PKHD1: variants seen among roughly 807,000 people sequenced by gnomAD.
PKHD1 encodes the protein PKHD1 ciliary IPT domain containing fibrocystin/polyductin.
Under a neutral mutation model 412.0 loss-of-function variants are expected in PKHD1, and 291 were observed. The observed-to-expected ratio is 0.71, with a 90% CI of 0.64 to 0.78. The LOEUF (loss-of-function observed/expected upper bound fraction) is 0.78. PKHD1 is among the 30% of genes least tolerant of loss of function. The pLI, the probability that PKHD1 is intolerant of heterozygous loss-of-function variation, is 0.00. For synonymous variants in PKHD1, 1,777 were observed against 1,821.5 expected, an observed-to-expected ratio of 0.98 and a Z score of 0.62; for missense variants, 4,825 against 4,950.7, an observed-to-expected ratio of 0.97 and a Z score of 0.76.
chr6:51,953,593 TAA>T (rs5876246), intron 36 of PKHD1, among the ~76,000 whole-genome samples: 9 of 143,386 alleles, frequency 6.3e-5, no homozygotes, highest in African/African-American at 5.1e-5. Flanking sequence ...TCCCTGGGAT[TAA>T]AAAAAAAAAA....
chr6:51,883,545 T>C (rs1777727420), intron 45 of PKHD1, among the ~76,000 whole-genome samples: 1 of 152,176 alleles, frequency 6.6e-6, no homozygotes, highest in Admixed American at 6.5e-5. Context: ...GAGAAAAACA[T>C]TGCATCCAAG....
chr6:52,032,611 T>C (rs1803229780), intron 29 of PKHD1, among the ~76,000 whole-genome samples: 1 of 152,214 alleles, frequency 6.6e-6, no homozygotes, highest in Non-Finnish European at 1.5e-5. Context: ...AGATGACCTG[T>C]GTTCAAATCT....
intron 53 of PKHD1, among the ~76,000 whole-genome samples, chr6:51,782,206 A>G (rs2151199808): frequency 6.6e-6 from 1 of 152,218 alleles, no homozygotes; most frequent in Admixed American, 6.6e-5. Context: ...AGTAAAGACT[A>G]ACTGATGTCC....
intron 35 of PKHD1, among the ~76,000 whole-genome samples, chr6:51,965,393 T>C (rs1792660882): frequency 6.6e-6 from 1 of 152,108 alleles, no homozygotes; most frequent in Admixed American, 6.6e-5. Flanking sequence ...TGAGATTATT[T>C]CAGCTGATTA....
intron 35 of PKHD1, among the ~76,000 whole-genome samples, chr6:52,003,571 C>T (rs1798698993): frequency 6.6e-6 from 1 of 152,152 alleles, no homozygotes; most frequent in African/African-American, 2.4e-5. Flanking sequence ...TGTCCTGTGG[C>T]CTCAAATGTC....
chr6:51,999,365 G>T (rs564930010), intron 35 of PKHD1, among the ~76,000 whole-genome samples: 2 of 148,292 alleles, frequency 1.3e-5, no homozygotes, highest in African/African-American at 5.2e-5. Context: ...TTTTGTTTTT[G>T]TTTTTTTTCT....
At position 51,638,893 on chromosome 6, in the gene PKHD1, G is replaced by A. The variant is rs2784228; in HGVS notation, c.11462C>T (p.Ser3821Phe). The A allele has an allele frequency of 2.5e-6, 4 of 1,612,946 alleles. No individual in the cohort carries two copies. The African/African-American group carries it at 5.4e-5, about 22-fold the overall frequency. The change falls in exon 64 of 67, where the codon TCT becomes TTT. Residue 3821 changes from serine to phenylalanine, a missense_variant. Physicochemically the swap from Ser to Phe is radical, Grantham distance 155. Transcript: ENST00000371117. ...VSFYNLAVLI[S>F]GSNWHFIFTV... ...AAAAATAAAGTGCCAGTTTGACCCA[G>A]AGATCAAGACTGCCAAGTTGTAGAA...
intron 35 of PKHD1, among the ~76,000 whole-genome samples, chr6:52,008,738 A>G (rs1483042204): frequency 6.6e-6 from 1 of 152,162 alleles, no homozygotes; most frequent in Admixed American, 6.5e-5. Context: ...CACCAACCCT[A>G]TGAAGTGGGA....
chr6:51,742,775 A>C (rs1224253736), intron 60 of PKHD1, among the ~76,000 whole-genome samples: 1 of 152,228 alleles, frequency 6.6e-6, no homozygotes, highest in African/African-American at 2.4e-5. Flanking sequence ...AATTACATTT[A>C]TAATATAATG....
chr6:51,739,917 G>A (rs1784356721), intron 60 of PKHD1: 9 of 510,104 alleles, frequency 1.8e-5, no homozygotes, highest in South Asian at 1.3e-4. Flanking sequence ...CCATCCATTT[G>A]TAGTCTGGGA....
chr6:51,721,027 G>C, intron 60 of PKHD1: 1 of 981,468 alleles, frequency 1.0e-6, no homozygotes, highest in South Asian at 4.7e-5. Flanking sequence ...CATGGGTAAG[G>C]GAAGTATTTG....
intron 27 of PKHD1, among the ~76,000 whole-genome samples, chr6:52,040,385 C>T (rs899523613): frequency 6.6e-6 from 1 of 152,174 alleles, no homozygotes; most frequent in African/African-American, 2.4e-5. Context: ...GGATGTCTGT[C>T]ATATCCTCCT....
At chr6:52,083,309 C>A in intron 2 of PKHD1, 54 bp from the exon 3 acceptor site, 1 of 1,090,368 alleles carries the variant, frequency 9.2e-7, no homozygotes, top group Non-Finnish European at 1.4e-6. Flanking sequence ...CAAACCACTA[C>A]CTTCTGCAAT....
chr6:51,970,920 T>C (rs1389439246), intron 35 of PKHD1, among the ~76,000 whole-genome samples: 1 of 152,224 alleles, frequency 6.6e-6, no homozygotes, highest in Non-Finnish European at 1.5e-5. Flanking sequence ...TTAGGATTGC[T>C]TTGGCTAGTT....
intron 35 of PKHD1, among the ~76,000 whole-genome samples, chr6:52,003,583 C>T (rs1389613486): frequency 6.6e-6 from 1 of 152,170 alleles, no homozygotes; most frequent in East Asian, 1.9e-4. Flanking sequence ...TCAAATGTCA[C>T]TAAGGACCTC....
Position 51,912,586 on chromosome 6 carries a change from C to T in PKHD1, c.6122-10G>A, listed in dbSNP as rs2127668280. On this transcript the variant is annotated splice_polypyrimidine_tract_variant and intron_variant, in intron 37 of 66. Coordinates refer to ENST00000371117, the MANE Select transcript of PKHD1 (RefSeq NM_138694.4). ...ACTTCTGGTAGTGAACCTAAAGCAGCCCGAGGAAAAGTTGTCCAGATAATT... is the reference window on the plus strand; with the variant it reads ...ACTTCTGGTAGTGAACCTAAAGCAGTCCGAGGAAAAGTTGTCCAGATAATT... 2 of 1,592,510 alleles carry T rather than the reference C, an allele frequency of 1.3e-6. No homozygotes were observed. Among genetic ancestry groups the T allele is most frequent in the Non-Finnish European group, 1.7e-6 (2 of 1,160,720 alleles).
intron 65 of PKHD1, among the ~76,000 whole-genome samples, chr6:51,631,951 T>C (rs1767976849): frequency 6.6e-6 from 1 of 150,926 alleles, no homozygotes; most frequent in East Asian, 1.9e-4. Flanking sequence ...TTTTTTTTTT[T>C]TTTATTGTGA....
intron 37 of PKHD1, among the ~76,000 whole-genome samples, chr6:51,925,052 T>TAG (rs1351667363): frequency 6.6e-6 from 1 of 152,118 alleles, no homozygotes; most frequent in Non-Finnish European, 1.5e-5. Context: ...TAGTTCACGG[T>TAG]AGAGATGGGA....
chr6:51,801,654 TGAGA>T (rs10582944), intron 52 of PKHD1, among the ~76,000 whole-genome samples: 3 of 114,224 alleles, frequency 2.6e-5, no homozygotes, highest in African/African-American at 7.5e-5. Flanking sequence ...TGTGTGTGTG[TGAGA>T]GAGAGAGAGA....
Sources: gnomAD v4.1 joint callset for allele counts (sites outside exome capture counted in the v4.1 genomes callset) on GRCh38, gnomAD v4.1.1 for gene constraint, MANE v1.5 for transcripts, NCBI Gene and HGNC (gene_info 2026-07-23, HGNC 2026-07-21) for gene names.